Variants in ECT2 observed in about 807,000 individuals in gnomAD.
The protein encoded by ECT2 is epithelial cell transforming 2.
Under a neutral mutation model 116.9 loss-of-function variants are expected in ECT2, and 61 were observed. The ratio of observed to expected loss-of-function variants is 0.52; its 90% CI spans 0.42 to 0.65. The LOEUF (loss-of-function observed/expected upper bound fraction) is 0.65. Ranked by LOEUF, ECT2 falls within the 30% of genes least tolerant of loss-of-function variation. The pLI is 0.00. For missense variants in ECT2, 937 were observed against 1,078.7 expected (o/e 0.87, Z 1.84); for synonymous variants, 358 against 346.4 (o/e 1.03, Z -0.37).
chr3:172,754,086 G>T (rs2108349530), intron 1 of ECT2, among the ~76,000 whole-genome samples: 1 of 152,148 alleles, frequency 6.6e-6, no homozygotes. Flanking sequence ...TTTTGGGGAG[G>T]GAAATGTGGG....
At chr3:172,818,713 T>G in intron 24 of ECT2, 1 of 1,288,674 alleles carries the variant, frequency 7.8e-7, no homozygotes, top group South Asian at 1.2e-5. Flanking sequence ...AAATACTGAT[T>G]TTTCAAATTT....
chr3:172,750,863 G>C lies in ECT2; in HGVS notation c.-23+6G>C, dbSNP rs1427218266. On this transcript the variant is annotated splice_donor_region_variant and intron_variant, in intron 1 of 24. Transcript: ENST00000392692. Reference sequence around the variant, plus strand: ...CTAGGGCTTTTTTGAGAGTGGTAAGGACTCTGTGTGAGTGAGAGAGGTGCA... The same window carrying C: ...CTAGGGCTTTTTTGAGAGTGGTAAGCACTCTGTGTGAGTGAGAGAGGTGCA... 2.0e-5 allele frequency: 3 copies of C among 153,006 alleles called. No individual in the cohort carries two copies. The East Asian group carries it at 5.8e-4, about 30-fold the overall frequency. The allele number at this position is 153,006 out of a possible 1,614,324, so 9.5% of individuals were successfully genotyped here.
chr3:172,786,593 A>G lies in ECT2; in HGVS notation c.1907+19A>G, dbSNP rs1454925851. ...TAATGACGTAAGTGCATTATTTTCA[A>G]TTTTTGATTGTGCCTTAGATTTCGA... On this transcript the variant is annotated intron_variant, in intron 18 of 24. Transcript: ENST00000392692. 4 of 1,516,268 alleles carry G rather than the reference A, an allele frequency of 2.6e-6. No individual in the cohort carries two copies. The highest frequency in any genetic ancestry group is 1.4e-5 in the African/African-American group (1 of 72,494). 93.9% of individuals were successfully genotyped at this position (1,516,268 alleles called of 1,614,324 possible).
chr3:172,802,325 G>C (rs1214592931), intron 18 of ECT2, among the ~76,000 whole-genome samples: 1 of 152,074 alleles, frequency 6.6e-6, no homozygotes, highest in African/African-American at 2.4e-5. Context: ...TGTTGGTCAG[G>C]CTGGTCTCGA....
At chr3:172,761,566 C>A in intron 7 of ECT2, 44 bp from the exon 8 acceptor site, 1 of 1,343,084 alleles carries the variant, frequency 7.4e-7, no homozygotes, top group Non-Finnish European at 1.1e-6. Context: ...TCCTTGAATG[C>A]AGTTATTTAA....
chr3:172,795,825 A>G (rs1725538576), intron 18 of ECT2, among the ~76,000 whole-genome samples: 1 of 152,198 alleles, frequency 6.6e-6, no homozygotes, highest in Admixed American at 6.5e-5. Flanking sequence ...AGAAAAAACA[A>G]AAACGAATTG....
intron 18 of ECT2, among the ~76,000 whole-genome samples, chr3:172,797,647 G>A (rs185230802): frequency 9.9e-5 from 15 of 152,022 alleles, no homozygotes; most frequent in Admixed American, 9.2e-4. Context: ...CAACTTCCAG[G>A]TTATCTAAAT....
At chr3:172,789,255 G>A (rs1484101775) in intron 18 of ECT2, among the ~76,000 whole-genome samples, 1 of 143,460 alleles carries the variant, frequency 7.0e-6, no homozygotes, top group Non-Finnish European at 1.5e-5. Context: ...ATCTCACTCT[G>A]GTTGCCCAGG....
At chr3:172,822,031 T>C (rs559469782), downstream of ECT2, among the ~76,000 whole-genome samples, 3 of 150,880 alleles carry the variant, frequency 2.0e-5, no homozygotes, top group East Asian at 5.8e-4. Flanking sequence ...ATATTAAATA[T>C]AATTAACTTC....
At chr3:172,801,286 G>T (rs547769211) in intron 18 of ECT2, among the ~76,000 whole-genome samples, 18 of 152,240 alleles carry the variant, frequency 1.2e-4, no homozygotes, top group Non-Finnish European at 2.5e-4. Context: ...CAAACAGTTT[G>T]ATATTTTCAT....
intron 13 of ECT2, among the ~76,000 whole-genome samples, chr3:172,770,636 A>G (rs879488059): frequency 1.3e-5 from 2 of 152,180 alleles, no homozygotes; most frequent in Admixed American, 1.3e-4. Flanking sequence ...CACTGCACCC[A>G]GCCCATGATA....
At chr3:172,787,597 T>G (rs1723833633) in intron 18 of ECT2, among the ~76,000 whole-genome samples, 1 of 152,184 alleles carries the variant, frequency 6.6e-6, no homozygotes, top group Non-Finnish European at 1.5e-5. Flanking sequence ...TGCTTTTGCT[T>G]TTTTTCCCCT....
At chr3:172,768,567 C>T (rs577926286) in intron 12 of ECT2, among the ~76,000 whole-genome samples, 2 of 152,212 alleles carry the variant, frequency 1.3e-5, no homozygotes, top group East Asian at 1.9e-4. Flanking sequence ...AGGAAATTAA[C>T]ATTAATACTG....
chr3:172,768,591 A>G (rs903649824), intron 12 of ECT2, among the ~76,000 whole-genome samples: 13 of 152,330 alleles, frequency 8.5e-5, no homozygotes, highest in African/African-American at 2.9e-4. Context: ...ACTGTTTTGT[A>G]GACTTCAGAT....
At position 172,756,725 on chromosome 3, in the gene ECT2, A is replaced by T. The variant is rs184710582; in HGVS notation, c.304-258A>T. Among the ~76,000 whole-genome samples, 3 of 152,180 alleles carry T rather than the reference A, an allele frequency of 2.0e-5. No individual in the cohort carries two copies. In the East Asian group the frequency reaches 5.8e-4, roughly 29 times the overall value. On this transcript the variant is annotated intron_variant, in intron 4 of 24. Coordinates refer to ENST00000392692, the MANE Select transcript of ECT2 (RefSeq NM_001258315.2). ...GACTAATAAGTAATAAGTCAGAATT[A>T]TGCCTTTATAATACTGATCTTTAAA...
intron 18 of ECT2, among the ~76,000 whole-genome samples, chr3:172,788,579 A>G (rs1724030134): frequency 6.6e-6 from 1 of 152,202 alleles, no homozygotes. Context: ...GGAATGCCCC[A>G]GATACTGTGG....
At chr3:172,799,984 C>A (rs761004176) in intron 18 of ECT2, among the ~76,000 whole-genome samples, 9 of 152,160 alleles carry the variant, frequency 5.9e-5, no homozygotes, top group Non-Finnish European at 1.0e-4. Flanking sequence ...TGGCCCAGCT[C>A]CCTGACATAG....
At chr3:172,808,220 T>C (rs542703981) in intron 22 of ECT2, among the ~76,000 whole-genome samples, 103 of 152,230 alleles carry the variant, frequency 6.8e-4, no homozygotes, top group African/African-American at 2.3e-3. Context: ...TGATTTTTCA[T>C]TGATACTCTT....
intron 14 of ECT2, among the ~76,000 whole-genome samples, chr3:172,774,649 T>A (rs1721323484): frequency 6.6e-6 from 1 of 151,992 alleles, no homozygotes; most frequent in Non-Finnish European, 1.5e-5. Context: ...CATGCAACCA[T>A]GCCTGGCTAA....
Sources: gnomAD v4.1 joint callset for allele counts (sites outside exome capture counted in the v4.1 genomes callset) on GRCh38, gnomAD v4.1.1 for gene constraint, MANE v1.5 for transcripts, NCBI Gene and HGNC (gene_info 2026-07-23, HGNC 2026-07-21) for gene names.